Variants in CYFIP1 observed in about 807,000 individuals in gnomAD.
CYFIP1 encodes the protein cytoplasmic FMR1-interacting protein 1.
A neutral mutation model predicts 163.5 loss-of-function variants in CYFIP1; 58 were observed. That is an observed-to-expected ratio of 0.35 (90% confidence interval 0.29 to 0.44). The LOEUF is 0.44. Ranked by LOEUF, CYFIP1 falls within the 20% of genes least tolerant of loss-of-function variation. The pLI is 1.00. For missense variants in CYFIP1, 1,338 were observed against 1,653.8 expected (o/e 0.81, Z 3.31); for synonymous variants, 663 against 660.7 (o/e 1.00, Z -0.05).
chr15:22,946,885 C>G (rs777254443), intron 3 of CYFIP1, 118 bp downstream of exon 3: 43 of 859,816 alleles, frequency 5.0e-5, no homozygotes, highest in Non-Finnish European at 8.1e-5. Flanking sequence ...GCATTTCATT[C>G]ATTTTCTTCT....
chr15:22,884,719 T>C (rs960552956), intron 23 of CYFIP1, among the ~76,000 whole-genome samples: 2 of 152,096 alleles, frequency 1.3e-5, no homozygotes, highest in African/African-American at 4.8e-5. Flanking sequence ...AACCCCCCAT[T>C]TCCCTTCCTC....
intron 22 of CYFIP1, 22 bp downstream of exon 22, chr15:22,903,684 C>G: frequency 6.2e-7 from 1 of 1,613,090 alleles, no homozygotes; most frequent in Non-Finnish European, 8.5e-7. Flanking sequence ...CCTGTGGGCG[C>G]CTGTGTGGCG....
intron 21 of CYFIP1, among the ~76,000 whole-genome samples, chr15:22,907,993 A>G (rs1325997737): frequency 6.6e-6 from 1 of 152,086 alleles, no homozygotes; most frequent in Non-Finnish European, 1.5e-5. Context: ...TGTTTTCTAC[A>G]TTTCTTATGC....
intron 30 of CYFIP1, among the ~76,000 whole-genome samples, 161 bp from the exon 31 acceptor site, chr15:22,870,353 C>T (rs1255045755): frequency 6.6e-6 from 1 of 151,722 alleles, no homozygotes; most frequent in Non-Finnish European, 1.5e-5. Context: ...GATAGGGTCT[C>T]ACTCTGACGC....
intron 24 of CYFIP1, 65 bp downstream of exon 24, chr15:22,882,797 GAAGACC>G (rs2059804272): frequency 8.4e-6 from 13 of 1,548,646 alleles, no homozygotes; most frequent in Non-Finnish European, 1.1e-5. Flanking sequence ...TCCAGGCAGA[GAAGACC>G]CTCTGGCATG....
chr15:22,895,376 C>G (rs1361579664), intron 22 of CYFIP1, among the ~76,000 whole-genome samples: 1 of 152,190 alleles, frequency 6.6e-6, no homozygotes, highest in African/African-American at 2.4e-5. Flanking sequence ...GTCTCGAACT[C>G]CTGGGCTCAA....
chr15:22,940,456 C>G (rs2061860393), intron 6 of CYFIP1, among the ~76,000 whole-genome samples: 1 of 152,152 alleles, frequency 6.6e-6, no homozygotes, highest in African/African-American at 2.4e-5. Flanking sequence ...AAGCATGGAG[C>G]CCATCTTTCC....
At chr15:22,916,041 G>A (rs1243589661) in intron 16 of CYFIP1, among the ~76,000 whole-genome samples, 1 of 152,192 alleles carries the variant, frequency 6.6e-6, no homozygotes, top group Non-Finnish European at 1.5e-5. Flanking sequence ...ACGGAGGGCA[G>A]AGAGCGCACC....
At chr15:22,897,542 C>A (rs1414812067) in intron 22 of CYFIP1, among the ~76,000 whole-genome samples, 2 of 151,204 alleles carry the variant, frequency 1.3e-5, no homozygotes, top group South Asian at 4.2e-4. Flanking sequence ...GGAGTGCAGT[C>A]GCGCATTCTT....
rs142614559 is a variant in CYFIP1 at position 22,980,333 on chromosome 15, C to G, written c.-53G>C. 187 of 151,918 alleles carry G rather than the reference C, an allele frequency of 1.2e-3. 1 individual carries two copies. The highest frequency in any genetic ancestry group is 4.0e-3 in the African/African-American group (167 of 41,462). 9.4% of individuals were successfully genotyped at this position (151,918 alleles called of 1,614,324 possible). ...GGTCCTGGGCGGGCCCTGGGAGTTTCCTTGGCCGAGTGAGTCACTCGGGCT... is the reference window on the plus strand; with the variant it reads ...GGTCCTGGGCGGGCCCTGGGAGTTTGCTTGGCCGAGTGAGTCACTCGGGCT... On this transcript the variant is annotated 5_prime_UTR_variant, in exon 1 of 31. Transcript: ENST00000617928.
At chr15:22,886,783 C>T (rs969999051) in intron 23 of CYFIP1, among the ~76,000 whole-genome samples, 2 of 152,144 alleles carry the variant, frequency 1.3e-5, no homozygotes, top group Non-Finnish European at 2.9e-5. Flanking sequence ...AACCTACACA[C>T]GTCAGTTAGA....
chr15:22,933,319 CTT>C (rs556709449), intron 10 of CYFIP1, among the ~76,000 whole-genome samples: 8 of 144,816 alleles, frequency 5.5e-5, no homozygotes, highest in Non-Finnish European at 4.6e-5. Flanking sequence ...ATTTTTCTTT[CTT>C]TTTTTTTTTT....
intron 1 of CYFIP1, among the ~76,000 whole-genome samples, chr15:22,978,734 T>G (rs1043444483): frequency 6.6e-6 from 1 of 152,166 alleles, no homozygotes; most frequent in African/African-American, 2.4e-5. Flanking sequence ...GACCCTTGTA[T>G]CTTTACTCTT....
intron 21 of CYFIP1, chr15:22,904,202 C>G (rs1302875945): frequency 6.2e-6 from 3 of 482,032 alleles, no homozygotes; most frequent in Admixed American, 3.4e-5. Context: ...CACCCTTCCC[C>G]CCATGTGCCC....
chr15:22,884,992 GAACCAT>G (rs2059892108), intron 23 of CYFIP1, among the ~76,000 whole-genome samples: 1 of 144,366 alleles, frequency 6.9e-6, no homozygotes, highest in Admixed American at 6.9e-5. Flanking sequence ...GGGGGAGGGG[GAACCAT>G]AGGGGCAGGG....
intron 5 of CYFIP1, 75 bp from the exon 6 acceptor site, chr15:22,943,429 C>A: frequency 6.9e-7 from 1 of 1,447,218 alleles, no homozygotes; most frequent in Non-Finnish European, 9.5e-7. Flanking sequence ...CTTCAAGCAC[C>A]TGCAGTCACT....
chr15:22,905,914 C>A (rs1046031336), intron 21 of CYFIP1, among the ~76,000 whole-genome samples: 2 of 151,148 alleles, frequency 1.3e-5, no homozygotes, highest in Non-Finnish European at 2.9e-5. Context: ...GTGCCCGCCA[C>A]CACACCCGGC....
chr15:22,971,543 G>T (rs2063094192), intron 1 of CYFIP1, among the ~76,000 whole-genome samples: 1 of 152,028 alleles, frequency 6.6e-6, no homozygotes, highest in Non-Finnish European at 1.5e-5. Flanking sequence ...GTGGTAGTGG[G>T]CGCCTGTAAT....
chr15:22,870,250 G>T, intron 30 of CYFIP1, 58 bp from the exon 31 acceptor site: 3 of 1,495,936 alleles, frequency 2.0e-6, no homozygotes, highest in Non-Finnish European at 2.7e-6. Context: ...TATTCTTCAT[G>T]TTTCAAAATG....
Sources: allele counts gnomAD v4.1 joint callset (sites outside exome capture counted in the v4.1 genomes callset), GRCh38; gene constraint gnomAD v4.1.1; transcripts MANE v1.5; gene names NCBI Gene and HGNC (gene_info 2026-07-23, HGNC 2026-07-21).